TMEM132B: variants seen among roughly 807,000 people sequenced by gnomAD.
TMEM132B encodes the protein transmembrane protein 132B.
Under a neutral mutation model 90.8 loss-of-function variants are expected in TMEM132B, and 18 were observed. The ratio of observed to expected loss-of-function variants is 0.20; its 90% confidence interval spans 0.14 to 0.29. The LOEUF is 0.29. Ranked by LOEUF, TMEM132B falls within the 10% of genes least tolerant of loss-of-function variation. TMEM132B has a pLI of 1.00. For missense variants in TMEM132B, 1,096 were observed against 1,326.8 expected (o/e 0.83, Z 2.70); for synonymous variants, 504 against 523.3 (o/e 0.96, Z 0.50).
intron 3 of TMEM132B, among the ~76,000 whole-genome samples, chr12:125,495,419 C>T (rs560447380): frequency 6.6e-6 from 1 of 152,264 alleles, no homozygotes; most frequent in African/African-American, 2.4e-5. Context: ...TCCTCCATGG[C>T]TCCAGGCCTC....
At chr12:125,238,377 C>CAAAAAAAAAAAA (rs1207886157) in intron 1 of TMEM132B, among the ~76,000 whole-genome samples, 4 of 129,542 alleles carry the variant, frequency 3.1e-5, no homozygotes, top group East Asian at 2.2e-4. Context: ...AAAAAAAAAA[C>CAAAAAAAAAAAA]AAAAAAAAAC....
At position 125,629,458 on chromosome 12, in the gene TMEM132B, GA is replaced by G. The variant is rs374902050; in HGVS notation, c.1438-14615del. Among the ~76,000 whole-genome samples the G allele has an allele frequency of 7.1e-3, 1,078 of 152,122 alleles. 13 individuals are homozygous for G. Among genetic ancestry groups the G allele is most frequent in the African/African-American group, 0.024 (984 of 41,530 alleles). ...TCTGATTGTTCATTGTTGGCATATA[GA>G]AATGCTACTGATTTTTGTATGTTGA... On this transcript the variant is annotated intron_variant, in intron 5 of 8. Transcript: ENST00000682704.
intron 1 of TMEM132B, among the ~76,000 whole-genome samples, chr12:125,229,824 A>T (rs1873775477): frequency 6.6e-6 from 1 of 152,216 alleles, no homozygotes; most frequent in Non-Finnish European, 1.5e-5. Flanking sequence ...GCACGCTCCC[A>T]GTCGCCTAGC....
At chr12:125,536,414 G>C (rs1399927390) in intron 4 of TMEM132B, among the ~76,000 whole-genome samples, 2 of 152,140 alleles carry the variant, frequency 1.3e-5, no homozygotes, top group Non-Finnish European at 2.9e-5. Context: ...AACCTCCTGG[G>C]GGGCCACAGA....
chr12:125,331,404 T>C (rs1876767594), intron 1 of TMEM132B, among the ~76,000 whole-genome samples: 1 of 152,174 alleles, frequency 6.6e-6, no homozygotes, highest in Non-Finnish European at 1.5e-5. Context: ...AGCCCTGGGG[T>C]CTGTGTGAAG....
chr12:125,346,048 C>T (rs965914731), intron 1 of TMEM132B, among the ~76,000 whole-genome samples: 1 of 152,156 alleles, frequency 6.6e-6, no homozygotes, highest in African/African-American at 2.4e-5. Context: ...CAGAATAAGG[C>T]TCTGGTAGCT....
chr12:125,584,681 A>G (rs1885138287), intron 5 of TMEM132B: 1 of 152,252 alleles, frequency 6.6e-6, no homozygotes, highest in African/African-American at 2.4e-5. Context: ...CAAATTAGCT[A>G]TGTTTCTGAC....
At chr12:125,238,946 A>G (rs1295478597) in intron 1 of TMEM132B, among the ~76,000 whole-genome samples, 1 of 152,190 alleles carries the variant, frequency 6.6e-6, no homozygotes, top group African/African-American at 2.4e-5. Flanking sequence ...CTGGAATAGA[A>G]GATGAAAGAT....
intron 4 of TMEM132B, among the ~76,000 whole-genome samples, chr12:125,532,730 G>A (rs1883678164): frequency 1.3e-5 from 2 of 152,064 alleles, no homozygotes; most frequent in Admixed American, 6.5e-5. Flanking sequence ...GGCCAGGCTG[G>A]TCTTGAACTC....
At chr12:125,417,030 T>G (rs547810096) in intron 3 of TMEM132B, among the ~76,000 whole-genome samples, 33 of 152,174 alleles carry the variant, frequency 2.2e-4, no homozygotes, top group African/African-American at 7.0e-4. Context: ...AATTGAGAGG[T>G]AGATGGTGCC....
At chr12:125,283,953 G>A (rs931117646) in intron 1 of TMEM132B, among the ~76,000 whole-genome samples, 3 of 152,214 alleles carry the variant, frequency 2.0e-5, no homozygotes, top group Admixed American at 1.3e-4. Context: ...AAGCCTCCAA[G>A]TGAGTCAGTA....
At chr12:125,368,565 G>T (rs550010834) in intron 2 of TMEM132B, among the ~76,000 whole-genome samples, 2 of 152,176 alleles carry the variant, frequency 1.3e-5, no homozygotes, top group Non-Finnish European at 2.9e-5. Context: ...GCATGGATTT[G>T]CCCAGTGGGA....
At chr12:125,555,608 A>G (rs1340577683) in intron 4 of TMEM132B, among the ~76,000 whole-genome samples, 1 of 150,436 alleles carries the variant, frequency 6.6e-6, no homozygotes, top group Non-Finnish European at 1.5e-5. Context: ...AGATATACCT[A>G]ATGTAAATGA....
intron 4 of TMEM132B, among the ~76,000 whole-genome samples, chr12:125,536,378 G>A (rs1285645516): frequency 3.3e-5 from 5 of 152,196 alleles, no homozygotes; most frequent in Non-Finnish European, 5.9e-5. Context: ...GGCTCCAGGG[G>A]TGATCATTCG....
intron 1 of TMEM132B, among the ~76,000 whole-genome samples, chr12:125,208,607 T>C (rs553957256): frequency 4.0e-4 from 61 of 152,346 alleles, no homozygotes; most frequent in African/African-American, 1.4e-3. Flanking sequence ...ATCTCTGCTA[T>C]TGCATGTGTC....
At chr12:125,234,670 A>G (rs1465218184) in intron 1 of TMEM132B, among the ~76,000 whole-genome samples, 1 of 152,148 alleles carries the variant, frequency 6.6e-6, no homozygotes, top group Non-Finnish European at 1.5e-5. Flanking sequence ...ACAATCCGAG[A>G]GATGTCCTCT....
At chr12:125,375,826 T>C (rs1390540007) in intron 2 of TMEM132B, among the ~76,000 whole-genome samples, 1 of 152,224 alleles carries the variant, frequency 6.6e-6, no homozygotes, top group Non-Finnish European at 1.5e-5. Context: ...CTTCCCTTTC[T>C]CTCCAATAGT....
intron 2 of TMEM132B, among the ~76,000 whole-genome samples, chr12:125,362,014 G>A (rs1292282009): frequency 2.0e-5 from 3 of 152,214 alleles, no homozygotes; most frequent in Admixed American, 6.5e-5. Context: ...CATGGCCTTA[G>A]CCCCTGCAGT....
chr12:125,635,994 C>T (rs1886469472), intron 5 of TMEM132B, among the ~76,000 whole-genome samples: 1 of 152,178 alleles, frequency 6.6e-6, no homozygotes, highest in Non-Finnish European at 1.5e-5. Flanking sequence ...CACTGAAATG[C>T]TCTCTGCAGC....
Sources: gnomAD v4.1 joint callset for allele counts (sites outside exome capture counted in the v4.1 genomes callset) on GRCh38, gnomAD v4.1.1 for gene constraint, MANE v1.5 for transcripts, NCBI Gene and HGNC (gene_info 2026-07-23, HGNC 2026-07-21) for gene names.